FAH: variants seen among roughly 807,000 people sequenced by gnomAD.
The protein encoded by FAH is fumarylacetoacetate hydrolase, also known as fumarylacetoacetase.
In FAH, 47 loss-of-function variants were observed where a neutral mutation model predicts 55.8. The observed-to-expected ratio is 0.84, with a 90% CI of 0.67 to 1.07. FAH has a LOEUF of 1.07. Ranked by LOEUF, FAH falls within the 50% of genes least tolerant of loss-of-function variation. The pLI is 0.00. For synonymous variants in FAH, 199 were observed against 207.7 expected (o/e 0.96, Z 0.36); for missense variants, 495 against 545.9 (o/e 0.91, Z 0.93).
chr15:80,170,180 T>C (rs920549314), intron 7 of FAH, among the ~76,000 whole-genome samples: 1 of 152,226 alleles, frequency 6.6e-6, no homozygotes, highest in Non-Finnish European at 1.5e-5. Context: ...GGTTGTCTGA[T>C]GCCCAAGGTT....
chr15:80,167,926 G>A (rs1208041429), intron 5 of FAH, 126 bp from the exon 6 acceptor site: 1 of 741,214 alleles, frequency 1.3e-6, no homozygotes, highest in Non-Finnish European at 2.4e-6. Flanking sequence ...AAACTTGTAA[G>A]CACCTGTTGA....
At chr15:80,153,604 G>A (rs772188234) in intron 1 of FAH, among the ~76,000 whole-genome samples, 6 of 152,124 alleles carry the variant, frequency 3.9e-5, no homozygotes, top group Non-Finnish European at 7.4e-5. Flanking sequence ...AGGGGCACGC[G>A]CGTTTCTTGG....
At chr15:80,176,354 T>G (rs2114706) in intron 10 of FAH, among the ~76,000 whole-genome samples, 77,867 of 152,108 alleles carry the variant, frequency 0.51, 21,082 homozygotes, top group East Asian at 0.77. Context: ...GTCTGTACAC[T>G]CCAGGCTTTG....
At chr15:80,172,293 C>A in intron 8 of FAH, 45 bp downstream of exon 8, 1 of 1,462,314 alleles carries the variant, frequency 6.8e-7, no homozygotes, top group Non-Finnish European at 9.6e-7. Context: ...GGGGAGGAGG[C>A]TGGGGACTTG....
At position 80,186,163 on chromosome 15, in the gene FAH, T is replaced by G; in HGVS notation, c.1214T>G (p.Phe405Cys). 1 of 1,614,184 alleles carries G rather than the reference T, an allele frequency of 6.2e-7. No homozygotes were observed. Among genetic ancestry groups the G allele is most frequent in the Non-Finnish European group, 8.5e-7 (1 of 1,180,008 alleles). The change falls in exon 14 of 14, where the codon TTT (phenylalanine) becomes TGT (cysteine). Residue 405 changes from phenylalanine (F) to cysteine (C), a missense_variant. By Grantham distance (205) the Phe-to-Cys change is radical (BLOSUM62 -2). Coordinates refer to ENST00000561421, the MANE Select transcript of FAH (RefSeq NM_000137.4). ...YCQGDGYRIGFGQCAGKVLPA... is the reference protein window; with the variant it reads ...YCQGDGYRIGCGQCAGKVLPA... ...CAGGGGGATGGTTACCGCATCGGCT[T>G]TGGCCAGTGTGCTGGAAAAGTGCTG...
At chr15:80,165,527 CAA>C (rs535506436) in intron 5 of FAH, among the ~76,000 whole-genome samples, 203 of 106,680 alleles carry the variant, frequency 1.9e-3, no homozygotes, top group African/African-American at 5.1e-3. Context: ...GACTCCATCT[CAA>C]AAAAAAAAAA....
chr15:80,166,744 C>T (rs2041195849), intron 5 of FAH, among the ~76,000 whole-genome samples: 1 of 148,744 alleles, frequency 6.7e-6, no homozygotes, highest in Non-Finnish European at 1.5e-5. Flanking sequence ...TCACGCCATT[C>T]TCCTGCCTCA....
At chr15:80,161,263 C>T (rs984911978) in intron 4 of FAH, among the ~76,000 whole-genome samples, 1 of 150,930 alleles carries the variant, frequency 6.6e-6, no homozygotes, top group African/African-American at 2.5e-5. Flanking sequence ...CTGATGGTGC[C>T]CTTTCTTGTT....
intron 5 of FAH, among the ~76,000 whole-genome samples, chr15:80,164,529 AAC>A (rs10653816): frequency 1.2e-4 from 18 of 150,572 alleles, no homozygotes; most frequent in South Asian, 8.4e-4. Flanking sequence ...TTTTCAGCTT[AAC>A]ACACACACAC....
chr15:80,182,654 A>G lies in FAH; in HGVS notation c.1180+1495A>G, dbSNP rs555205575. On this transcript the variant is annotated intron_variant, in intron 13 of 13. Coordinates refer to ENST00000561421, the MANE Select transcript of FAH (RefSeq NM_000137.4). Reference sequence around the variant, plus strand: ...CTACTCACAATAGCCCTTTGATGATATAATATCATTGCCCCCATTTTGCAG... The same window carrying G: ...CTACTCACAATAGCCCTTTGATGATGTAATATCATTGCCCCCATTTTGCAG... 3.3e-5 allele frequency among the ~76,000 whole-genome samples: 5 copies of G among 152,316 alleles called. No individual in the cohort carries two copies. In the East Asian group the frequency reaches 5.8e-4, roughly 18 times the overall value.
chr15:80,182,148 T>C (rs2142109489), intron 13 of FAH, among the ~76,000 whole-genome samples: 1 of 152,260 alleles, frequency 6.6e-6, no homozygotes. Flanking sequence ...ATCACACTGA[T>C]CTCTGCCTCC....
chr15:80,168,013 A>G (rs2041207991), intron 5 of FAH, 39 bp from the exon 6 acceptor site: 1 of 1,515,548 alleles, frequency 6.6e-7, no homozygotes, highest in Non-Finnish European at 9.2e-7. Flanking sequence ...AACATATAAC[A>G]GCTCTGATGC....
At chr15:80,157,119 C>G (rs2041106236) in intron 1 of FAH, 1 of 152,364 alleles carries the variant, frequency 6.6e-6, no homozygotes, top group Non-Finnish European at 1.5e-5. Flanking sequence ...GAATGAGTAA[C>G]TAAGCTCTCC....
chr15:80,173,174 A>C, intron 9 of FAH, 30 bp downstream of exon 9: 1 of 1,614,108 alleles, frequency 6.2e-7, no homozygotes, highest in Admixed American at 1.7e-5. Flanking sequence ...GAAGCTCCCA[A>C]ACCCAGCCCT....
intron 4 of FAH, among the ~76,000 whole-genome samples, chr15:80,160,752 G>A (rs1413822182): frequency 6.6e-6 from 1 of 152,208 alleles, no homozygotes; most frequent in Non-Finnish European, 1.5e-5. Context: ...CAAAGGCTAT[G>A]GGACAAATTC....
At chr15:80,161,527 G>A (rs1040124426) in intron 4 of FAH, among the ~76,000 whole-genome samples, 3 of 151,954 alleles carry the variant, frequency 2.0e-5, no homozygotes, top group African/African-American at 7.3e-5. Context: ...TTTTCTTTCA[G>A]ATTTTTAATT....
chr15:80,156,789 C>T (rs1183182402), intron 1 of FAH: 7 of 152,188 alleles, frequency 4.6e-5, no homozygotes, highest in Non-Finnish European at 1.0e-4. Context: ...AGTAGAGGGA[C>T]TCACTCTCTC....
At chr15:80,180,051 T>A in intron 11 of FAH, 73 bp from the exon 12 acceptor site, 1 of 1,012,784 alleles carries the variant, frequency 9.9e-7, no homozygotes, top group Non-Finnish European at 1.5e-6. Context: ...CAGGGCAGGC[T>A]GTGCCCAGCT....
intron 5 of FAH, among the ~76,000 whole-genome samples, chr15:80,164,158 A>G (rs1287597697): frequency 1.3e-5 from 2 of 152,212 alleles, no homozygotes; most frequent in Non-Finnish European, 2.9e-5. Context: ...AGAAGTCAAA[A>G]ATCAGTCTCA....
Sources: allele counts gnomAD v4.1 joint callset (sites outside exome capture counted in the v4.1 genomes callset), GRCh38; gene constraint gnomAD v4.1.1; transcripts MANE v1.5; gene names NCBI Gene and HGNC (gene_info 2026-07-23, HGNC 2026-07-21).